Variants in MEGF9 observed in about 807,000 individuals in gnomAD.
MEGF9 encodes multiple epidermal growth factor-like domains protein 9.
MEGF9 carries 6 observed loss-of-function variants against 46.8 expected under a neutral mutation model. The ratio of observed to expected loss-of-function variants is 0.13; its 90% CI spans 0.07 to 0.25. The LOEUF (loss-of-function observed/expected upper bound fraction) is 0.25. Among genes scored for constraint, MEGF9 ranks in the 10% least tolerant of loss-of-function variants. The pLI is 1.00. For synonymous variants in MEGF9, 302 were observed against 330.7 expected (o/e 0.91, Z 0.94); for missense variants, 683 against 792.4 (o/e 0.86, Z 1.66).
intron 1 of MEGF9, among the ~76,000 whole-genome samples, chr9:120,663,691 G>A (rs761271780): frequency 6.6e-6 from 1 of 152,180 alleles, no homozygotes; most frequent in Non-Finnish European, 1.5e-5. Context: ...TTGCAGACAA[G>A]TATGAATAAG....
chr9:120,651,519 C>G (rs763238620), intron 2 of MEGF9, among the ~76,000 whole-genome samples: 1 of 151,996 alleles, frequency 6.6e-6, no homozygotes, highest in Non-Finnish European at 1.5e-5. Flanking sequence ...ATAATAGTGT[C>G]TACATTATAT....
In MEGF9 at chr9:120,603,552, T is replaced by A. The variant is rs1253579953; in HGVS notation, c.*1638A>T. 6.6e-6 allele frequency: 1 copy of A among 152,178 alleles called. No individual in the cohort carries two copies. Among genetic ancestry groups the A allele is most frequent in the Non-Finnish European group, 1.5e-5 (1 of 68,036 alleles). The allele number at this position is 152,178 out of a possible 1,614,324, so 9.4% of individuals were successfully genotyped here. ...GTTAGGCAAAGGGGTCAGCTTGAAT[T>A]TCCTAGGTCTAATCTAATAAGAAGT... On this transcript the variant is annotated 3_prime_UTR_variant, in exon 6 of 6. Coordinates refer to ENST00000373930, the MANE Select transcript of MEGF9 (RefSeq NM_001080497.3).
intron 3 of MEGF9, among the ~76,000 whole-genome samples, chr9:120,612,924 TC>T (rs374968321): frequency 2.7e-5 from 3 of 111,056 alleles, no homozygotes; most frequent in Admixed American, 1.2e-4. Context: ...CATGCACAAA[TC>T]TTTTTTTTTT....
At chr9:120,652,181 CA>C (rs869214058) in intron 2 of MEGF9, among the ~76,000 whole-genome samples, 1 of 9,088 alleles carries the variant, frequency 1.1e-4, no homozygotes, top group African/African-American at 4.0e-4. Flanking sequence ...CACACACACA[CA>C]AAAAAAAAAA....
chr9:120,624,663 T>TC (rs1039557299), intron 2 of MEGF9, among the ~76,000 whole-genome samples: 1 of 151,968 alleles, frequency 6.6e-6, no homozygotes, highest in African/African-American at 2.4e-5. Context: ...GGTCACAAGT[T>TC]CAAGACCAGT....
At chr9:120,637,476 G>A (rs2043582953) in intron 2 of MEGF9, among the ~76,000 whole-genome samples, 1 of 149,574 alleles carries the variant, frequency 6.7e-6, no homozygotes, top group Non-Finnish European at 1.5e-5. Context: ...AATAAAGTAT[G>A]TATTCTGCTT....
intron 1 of MEGF9, among the ~76,000 whole-genome samples, chr9:120,669,277 T>A (rs75667542): frequency 6.6e-6 from 1 of 152,160 alleles, no homozygotes; most frequent in African/African-American, 2.4e-5. Flanking sequence ...TTCTCCACAT[T>A]TCTCATAGTG....
At chr9:120,643,644 G>A in intron 2 of MEGF9, among the ~76,000 whole-genome samples, 1 of 151,746 alleles carries the variant, frequency 6.6e-6, no homozygotes, top group East Asian at 1.9e-4. Flanking sequence ...AAGAGGAGTT[G>A]CAAAGATAGT....
chr9:120,693,980 A>G (rs78246746), intron 1 of MEGF9, among the ~76,000 whole-genome samples: 6,218 of 152,222 alleles, frequency 0.041, 420 homozygotes, highest in African/African-American at 0.14. Context: ...GTGAGGATGT[A>G]CTTTTTCTTT....
chr9:120,659,803 G>A (rs1365559753), intron 1 of MEGF9, among the ~76,000 whole-genome samples: 1 of 151,326 alleles, frequency 6.6e-6, no homozygotes, highest in African/African-American at 2.4e-5. Flanking sequence ...GTGTGTGTGT[G>A]TGTGTGTGTG....
At position 120,714,088 on chromosome 9, in the gene MEGF9, G is replaced by A. The variant is rs562543624; in HGVS notation, c.271C>T (p.Leu91=). ...GPPRATVHRP[L]AATSPAQSPE... ...GACTGGGCTGGAGAAGTCGCAGCCA[G>A]GGGTCGGTGGACGGTGGCGCGCGGG... Residue 91 remains leucine, a synonymous_variant, in exon 1 of 6, where the codon CTG becomes TTG. Transcript: ENST00000373930. 90 of 1,258,244 alleles carry A rather than the reference G, an allele frequency of 7.2e-5. 1 individual carries two copies. In the African/African-American group the frequency reaches 1.3e-3, roughly 19 times the overall value. 77.9% of individuals were successfully genotyped at this position (1,258,244 alleles called of 1,614,324 possible).
At chr9:120,660,200 GTTGT>G (rs952007965) in intron 1 of MEGF9, among the ~76,000 whole-genome samples, 2 of 152,042 alleles carry the variant, frequency 1.3e-5, no homozygotes, top group South Asian at 2.1e-4. Flanking sequence ...ACAGTTCTTT[GTTGT>G]TTGTTTGTTG....
At chr9:120,696,367 T>G (rs986794941) in intron 1 of MEGF9, among the ~76,000 whole-genome samples, 7 of 152,196 alleles carry the variant, frequency 4.6e-5, no homozygotes, top group African/African-American at 1.7e-4. Context: ...TAAACAGATC[T>G]GAATTTGAAT....
chr9:120,617,964 C>T (rs2043479684), intron 3 of MEGF9, among the ~76,000 whole-genome samples: 1 of 152,026 alleles, frequency 6.6e-6, no homozygotes, highest in Non-Finnish European at 1.5e-5. Flanking sequence ...GCAGGCTTAA[C>T]TTATAAGTTG....
intron 1 of MEGF9, among the ~76,000 whole-genome samples, chr9:120,669,702 C>CA (rs1462165662): frequency 1.3e-5 from 2 of 151,934 alleles, no homozygotes; most frequent in East Asian, 3.9e-4. Context: ...ATACATAAGG[C>CA]AAAATGACAG....
intron 2 of MEGF9, among the ~76,000 whole-genome samples, chr9:120,654,220 C>T (rs969194377): frequency 6.6e-6 from 1 of 152,040 alleles, no homozygotes; most frequent in Non-Finnish European, 1.5e-5. Flanking sequence ...GAAATCAACA[C>T]ACTTTGATGC....
intron 2 of MEGF9, among the ~76,000 whole-genome samples, chr9:120,637,471 A>G (rs1362816041): frequency 6.6e-6 from 1 of 151,434 alleles, no homozygotes; most frequent in African/African-American, 2.4e-5. Flanking sequence ...TAAAGAATAA[A>G]GTATGTATTC....
chr9:120,692,428 A>G (rs900810311), intron 1 of MEGF9, among the ~76,000 whole-genome samples: 1 of 152,222 alleles, frequency 6.6e-6, no homozygotes, highest in African/African-American at 2.4e-5. Flanking sequence ...AATGATGGAA[A>G]AGATTTAAAG....
chr9:120,652,166 ACACACACAC>A (rs1564420774), intron 2 of MEGF9, among the ~76,000 whole-genome samples: 8 of 41,098 alleles, frequency 1.9e-4, no homozygotes, highest in Non-Finnish European at 4.8e-4. Flanking sequence ...ACACACACAC[ACACACACAC>A]ACACACAAAA....
Sources: gnomAD v4.1 joint callset for allele counts (sites outside exome capture counted in the v4.1 genomes callset) on GRCh38, gnomAD v4.1.1 for gene constraint, MANE v1.5 for transcripts, NCBI Gene and HGNC (gene_info 2026-07-23, HGNC 2026-07-21) for gene names.